EIF1AY: variants seen among roughly 807,000 people sequenced by gnomAD.
The protein encoded by EIF1AY is eukaryotic translation initiation factor 1A Y-linked.
For missense variants in EIF1AY, 19 were observed against 30.6 expected, an observed-to-expected ratio of 0.62 and a Z score of 0.89; for synonymous variants, 16 against 9.9, an observed-to-expected ratio of 1.62 and a Z score of -1.16.
At chrY:20,582,565 CT>C (rs745312481) in intron 2 of EIF1AY, 24 bp from the exon 3 acceptor site, 1 of 346,861 alleles carries the variant, frequency 2.9e-6, no homozygotes, top group Non-Finnish European at 4.2e-6. Flanking sequence ...AGATCTCAAC[CT>C]TTTTTTTTAT....
At chrY:20,591,171 G>T (rs567028306) in intron 6 of EIF1AY, among the ~76,000 whole-genome samples, 1 of 32,698 alleles carries the variant, frequency 3.1e-5, no homozygotes, top group South Asian at 6.8e-4. Flanking sequence ...CATTGTTCTT[G>T]TGATCCCAGG....
intron 6 of EIF1AY, 150 bp from the exon 7 acceptor site, chrY:20,592,191 A>G: frequency 9.5e-6 from 1 of 105,285 alleles, no homozygotes; most frequent in Non-Finnish European, 1.8e-5. Flanking sequence ...AGATTTACTG[A>G]TAACAAAAAG....
At chrY:20,584,859 G>A in intron 4 of EIF1AY, among the ~76,000 whole-genome samples, 2 of 33,364 alleles carry the variant, frequency 6.0e-5, no homozygotes, top group African/African-American at 2.3e-4. Flanking sequence ...CCATTTAAAG[G>A]CCAATGGTGT....
chrY:20,582,533 A>G, intron 2 of EIF1AY, 57 bp from the exon 3 acceptor site: 1 of 290,579 alleles, frequency 3.4e-6, no homozygotes, highest in Non-Finnish European at 5.3e-6. Context: ...TTCAGTCATT[A>G]CATTTTAACA....
In EIF1AY at chrY:20,575,988, A is replaced by G. The variant is rs2089346706; in HGVS notation, c.16+101A>G. 4 of 231,364 alleles carry G rather than the reference A, an allele frequency of 1.7e-5. No homozygotes were observed. The African/African-American group carries it at 2.4e-4, about 14-fold the overall frequency. 57.7% of individuals were successfully genotyped at this position (231,364 alleles called of 400,897 possible). On this transcript the variant is annotated intron_variant, in intron 1 of 6. Coordinates refer to ENST00000361365, the MANE Select transcript of EIF1AY (RefSeq NM_004681.4). ...GACTGTTCTAACGGCGGTACTGGCC[A>G]CTGCGACCCCAGCACTGTGTTCGGG...
intron 6 of EIF1AY, 28 bp from the exon 7 acceptor site, chrY:20,592,313 A>G (rs1378597028): frequency 2.3e-5 from 8 of 351,192 alleles, no homozygotes; most frequent in Non-Finnish European, 3.2e-5. Context: ...TTATTTTTCT[A>G]TGGATCTGAT....
At chrY:20,577,168 T>C (rs995571091) in intron 1 of EIF1AY, among the ~76,000 whole-genome samples, 2 of 33,334 alleles carry the variant, frequency 6.0e-5, no homozygotes, top group African/African-American at 1.2e-4. Context: ...CATTAAATCT[T>C]TGCTGATGTT....
chrY:20,580,026 G>C, intron 2 of EIF1AY, among the ~76,000 whole-genome samples: 1 of 28,119 alleles, frequency 3.6e-5, no homozygotes, highest in Non-Finnish European at 8.2e-5. Context: ...TTGAAGCTAC[G>C]AGTTTGACAC....
At chrY:20,587,438 G>A (rs2089355336) in intron 4 of EIF1AY, 3 of 32,240 alleles carry the variant, frequency 9.3e-5, no homozygotes, top group Non-Finnish European at 1.5e-4. Context: ...ACAGATGCCT[G>A]CCACCACGCC....
rs13447440 is a variant in EIF1AY at position 20,590,824 on chromosome Y, A to T, written c.429+1249A>T. On this transcript the variant is annotated intron_variant, in intron 6 of 6. Coordinates refer to ENST00000361365, the MANE Select transcript of EIF1AY (RefSeq NM_004681.4). ...AGAAGGATTTTTAAATTTATTTGTA[A>T]ACATTCAAATACTCACCAACAATAT... Among the ~76,000 whole-genome samples the T allele has an allele frequency of 1.6e-3, 54 of 32,899 alleles. No individual in the cohort carries two copies. In the East Asian group the frequency reaches 0.043, roughly 26 times the overall value. 88.3% of individuals were successfully genotyped at this position (32,899 alleles called of 37,273 possible). A position where few individuals can be genotyped will look rare whatever the true frequency, so the allele number is the denominator to read the frequency against.
At chrY:20,579,188 T>A in intron 1 of EIF1AY, among the ~76,000 whole-genome samples, 1 of 33,891 alleles carries the variant, frequency 3.0e-5, no homozygotes, top group East Asian at 7.6e-4. Context: ...TTATTTAGTG[T>A]AGTTAAAATA....
intron 2 of EIF1AY, among the ~76,000 whole-genome samples, chrY:20,581,939 C>G: frequency 6.0e-5 from 2 of 33,275 alleles, no homozygotes; most frequent in Non-Finnish European, 1.5e-4. Flanking sequence ...CATTTGTAAC[C>G]CTGAACAAGT....
chrY:20,589,059 T>G, intron 5 of EIF1AY: 5 of 35,726 alleles, frequency 1.4e-4, no homozygotes, highest in Admixed American at 1.3e-3. Flanking sequence ...TGAGTTAGCA[T>G]AATCAGTCTG....
chrY:20,579,567 A>G, intron 1 of EIF1AY, 41 bp from the exon 2 acceptor site: 1 of 270,139 alleles, frequency 3.7e-6, no homozygotes, highest in East Asian at 1.1e-4. Context: ...TATTATGTAG[A>G]TTTTTACATT....
chrY:20,580,706 G>GTAACATGAA (rs2089349998), intron 2 of EIF1AY, among the ~76,000 whole-genome samples: 2 of 33,312 alleles, frequency 6.0e-5, no homozygotes, highest in African/African-American at 2.3e-4. Flanking sequence ...CAGATAACTA[G>GTAACATGAA]TAACATGAAT....
intron 3 of EIF1AY, 84 bp from the exon 4 acceptor site, chrY:20,584,390 A>G: frequency 7.4e-6 from 1 of 134,836 alleles, no homozygotes; most frequent in African/African-American, 9.6e-5. Context: ...TGAATAGTAT[A>G]CCTGTCTTGT....
At position 20,582,615 on chromosome Y, in the gene EIF1AY, G is replaced by A; in HGVS notation, c.126G>A (p.Leu42=). ...AGTATGCTCAGGTAATCAAAATGTT[G>A]GGAAATGGACGATTGGAAGCATTGT... ...GQEYAQVIKM[L]GNGRLEALCF... is the part of the protein sequence containing the mutation. Residue 42 remains leucine (L), a synonymous_variant, in exon 3 of 7, where the codon TTG becomes TTA. Transcript: ENST00000361365. 2 of 396,394 alleles carry A rather than the reference G, an allele frequency of 5.0e-6. No individual in the cohort carries two copies. Among genetic ancestry groups the A allele is most frequent in the Non-Finnish European group, 7.1e-6 (2 of 281,879 alleles).
At chrY:20,580,010 G>A in intron 2 of EIF1AY, among the ~76,000 whole-genome samples, 1 of 29,580 alleles carries the variant, frequency 3.4e-5, no homozygotes, top group Admixed American at 3.2e-4. Context: ...GAGGTGGGTG[G>A]ATTGCTTGAA....
At chrY:20,577,196 C>G (rs2089347333) in intron 1 of EIF1AY, among the ~76,000 whole-genome samples, 1 of 33,377 alleles carries the variant, frequency 3.0e-5, no homozygotes, top group Non-Finnish European at 7.4e-5. Context: ...CTGTACCTGA[C>G]TCTATCCTTA....
Sources: allele counts gnomAD v4.1 joint callset (sites outside exome capture counted in the v4.1 genomes callset), GRCh38; gene constraint gnomAD v4.1.1; transcripts MANE v1.5; gene names NCBI Gene and HGNC (gene_info 2026-07-23, HGNC 2026-07-21).